Variants in UNC13C observed in about 807,000 individuals in gnomAD.
The protein encoded by UNC13C is unc-13 homolog C, also known as protein unc-13 homolog C.
A neutral mutation model predicts 245.4 loss-of-function variants in UNC13C; 174 were observed. The ratio of observed to expected loss-of-function variants is 0.71; its 90% CI spans 0.63 to 0.80. The LOEUF (loss-of-function observed/expected upper bound fraction) is 0.80. Among genes scored for constraint, UNC13C ranks in the 30% least tolerant of loss-of-function variants. The pLI is 0.00. For synonymous variants in UNC13C, 992 were observed against 895.1 expected (o/e 1.11, Z -1.93); for missense variants, 2,829 against 2,602.9 (o/e 1.09, Z -1.89).
At chr15:54,427,411 C>T (rs960978485) in intron 19 of UNC13C, among the ~76,000 whole-genome samples, 2 of 151,886 alleles carry the variant, frequency 1.3e-5, no homozygotes, top group Middle Eastern at 3.4e-3. Context: ...TGAGGCTTTC[C>T]TCAGCTATGT....
chr15:54,470,566 A>G (rs1892405748), intron 19 of UNC13C, among the ~76,000 whole-genome samples: 1 of 151,086 alleles, frequency 6.6e-6, no homozygotes, highest in Non-Finnish European at 1.5e-5. Context: ...GATCCTTTGT[A>G]CTTTGTGTTA....
At chr15:54,124,934 A>G (rs1462008571) in intron 2 of UNC13C, among the ~76,000 whole-genome samples, 1 of 152,222 alleles carries the variant, frequency 6.6e-6, no homozygotes. Context: ...GCCAAAAAAA[A>G]TCAGTTGACC....
chr15:54,050,440 G>A (rs1897228973), intron 2 of UNC13C: 2 of 553,256 alleles, frequency 3.6e-6, no homozygotes, highest in Admixed American at 1.9e-5. Context: ...GCTGACCTGG[G>A]CTTGCTGAGC....
rs147071640 is a variant in UNC13C at position 54,223,479 on chromosome 15, A to C, written c.3072-11551A>C. 3.9e-3 allele frequency among the ~76,000 whole-genome samples: 589 copies of C among 151,904 alleles called. 5 individuals are homozygous for C. The highest frequency in any genetic ancestry group is 0.014 in the African/African-American group (573 of 41,478). ...TCTGTTTTTAGGCCAGTGCCATGCT[A>C]TTTTGGTTACTGTAGCTCTGTAGAA... is the stretch of plus-strand genomic sequence containing the variant. On this transcript the variant is annotated intron_variant, in intron 4 of 32. Coordinates refer to ENST00000260323, the MANE Select transcript of UNC13C (RefSeq NM_001080534.3).
the UNC13C span, among the ~76,000 whole-genome samples, chr15:53,932,338 C>G: frequency 1.2e-4 from 5 of 40,404 alleles, no homozygotes. Context: ...ACAACAACAA[C>G]AACAAACAGT....
rs578090513 is a variant in UNC13C, at chr15:54,364,139, A to T, written c.4713+25650A>T. 2.8e-3 allele frequency among the ~76,000 whole-genome samples: 427 copies of T among 152,322 alleles called. 1 individual carries two copies. The highest frequency in any genetic ancestry group is 4.1e-3 in the Non-Finnish European group (281 of 68,024). ...ATGAGCTTTTTGCTTAACAGATGCT[A>T]TATGAAAGAAAAAACAATGAAATTC... On this transcript the variant is annotated intron_variant, in intron 17 of 32. Coordinates refer to ENST00000260323, the MANE Select transcript of UNC13C (RefSeq NM_001080534.3).
At chr15:54,518,484 G>A (rs1457967933) in intron 24 of UNC13C, among the ~76,000 whole-genome samples, 2 of 152,238 alleles carry the variant, frequency 1.3e-5, no homozygotes, top group Admixed American at 6.5e-5. Flanking sequence ...AGAGGGAGAC[G>A]GCTTCACTTT....
At position 54,314,015 on chromosome 15, in the gene UNC13C, G is replaced by C. The variant is rs901402232; in HGVS notation, c.4269-7924G>C. 3.3e-5 allele frequency among the ~76,000 whole-genome samples: 5 copies of C among 151,400 alleles called. No individual in the cohort carries two copies. The East Asian group carries it at 9.7e-4, about 29-fold the overall frequency. On this transcript the variant is annotated intron_variant, in intron 13 of 32. Transcript: ENST00000260323. ...AAACCCTGGGAATATTATGGTTAAGGGAAATAAGGCAGGCACAGAAAGACA... is the reference window on the plus strand; with the variant it reads ...AAACCCTGGGAATATTATGGTTAAGCGAAATAAGGCAGGCACAGAAAGACA...
intron 2 of UNC13C, among the ~76,000 whole-genome samples, chr15:54,100,760 T>C (rs1243009605): frequency 2.0e-5 from 3 of 152,078 alleles, no homozygotes; most frequent in Admixed American, 1.3e-4. Flanking sequence ...AAAACCTTTC[T>C]TTCTACCTGC....
At chr15:53,857,636 C>A in the UNC13C span, among the ~76,000 whole-genome samples, 2 of 152,192 alleles carry the variant, frequency 1.3e-5, no homozygotes, top group African/African-American at 4.8e-5. Context: ...AGGCTCTGTG[C>A]TGTCTATACC....
At chr15:54,535,908 A>T (rs957122258) in intron 26 of UNC13C, among the ~76,000 whole-genome samples, 1 of 152,270 alleles carries the variant, frequency 6.6e-6, no homozygotes, top group East Asian at 1.9e-4. Flanking sequence ...TATCAATTTA[A>T]CAACCTAGAA....
intron 2 of UNC13C, among the ~76,000 whole-genome samples, chr15:54,033,238 C>T (rs1166769183): frequency 6.6e-6 from 1 of 151,758 alleles, no homozygotes; most frequent in East Asian, 1.9e-4. Flanking sequence ...AAAAAAGATA[C>T]AAATAAAAAA....
At chr15:54,069,270 T>A (rs577532600) in intron 2 of UNC13C, among the ~76,000 whole-genome samples, 1 of 152,294 alleles carries the variant, frequency 6.6e-6, no homozygotes, top group South Asian at 2.1e-4. Flanking sequence ...CTGGACTACT[T>A]GGCTAAATCC....
chr15:54,019,864 T>G (rs1895817492), intron 2 of UNC13C, among the ~76,000 whole-genome samples: 1 of 152,172 alleles, frequency 6.6e-6, no homozygotes, highest in East Asian at 1.9e-4. Context: ...GGGATGTTAT[T>G]TTAAAATGAC....
chr15:54,500,697 A>T, intron 21 of UNC13C, 138 bp from the exon 22 acceptor site: 1 of 678,186 alleles, frequency 1.5e-6, no homozygotes, highest in Non-Finnish European at 2.4e-6. Context: ...TAATGATTTT[A>T]AAGTGGGTAA....
rs115112289 is a variant in UNC13C at position 54,042,390 on chromosome 15, G to A, written c.2983+26504G>A. ...AACACACCTGCAGGTTTAGGCAAAT[G>A]GGTAAATATACTGATACTGCTAAGA... On this transcript the variant is annotated intron_variant, in intron 2 of 32. Coordinates refer to ENST00000260323, the MANE Select transcript of UNC13C (RefSeq NM_001080534.3). Among the ~76,000 whole-genome samples the A allele has an allele frequency of 2.6e-3, 399 of 152,254 alleles. 2 individuals carry two copies. Among genetic ancestry groups the A allele is most frequent in the African/African-American group, 9.0e-3 (374 of 41,540 alleles).
At chr15:54,136,549 C>A (rs2031742973) in intron 2 of UNC13C, among the ~76,000 whole-genome samples, 1 of 151,620 alleles carries the variant, frequency 6.6e-6, no homozygotes, top group South Asian at 2.1e-4. Flanking sequence ...TTTTTTCTTG[C>A]CTTATTTCTC....
chr15:53,963,217 A>G, the UNC13C span, among the ~76,000 whole-genome samples: 1 of 152,118 alleles, frequency 6.6e-6, no homozygotes, highest in African/African-American at 2.4e-5. Flanking sequence ...CACTCACACA[A>G]TTATTTTGGG....
Position 54,555,462 on chromosome 15 carries a change from CTGACGCCA to C in UNC13C, c.5909_5916del (p.Leu1970GlnfsTer50). On this transcript the variant is annotated frameshift_variant, in exon 29 of 33. Coordinates refer to ENST00000260323, the MANE Select transcript of UNC13C (RefSeq NM_001080534.3). LOFTEE classifies it high-confidence loss of function. ...CATGATTCGAGAGGATGCCAGGGGT[CTGACGCCA>C]AGACAATGCGCTATAATGGAGGTAG... The C allele has an allele frequency of 1.2e-6, 2 of 1,612,380 alleles. No homozygotes were observed. Among genetic ancestry groups the C allele is most frequent in the Non-Finnish European group, 1.7e-6 (2 of 1,179,046 alleles).
Sources: gnomAD v4.1 joint callset for allele counts (sites outside exome capture counted in the v4.1 genomes callset) on GRCh38, gnomAD v4.1.1 for gene constraint, MANE v1.5 for transcripts, NCBI Gene and HGNC (gene_info 2026-07-23, HGNC 2026-07-21) for gene names.